The following SNX13 variants were observed in gnomAD, a reference collection of about 807,000 sequenced individuals.
The protein encoded by SNX13 is sorting nexin-13.
Under a neutral mutation model 133.6 loss-of-function variants are expected in SNX13, and 45 were observed. The observed-to-expected ratio is 0.34, with a 90% confidence interval of 0.27 to 0.43. SNX13 has a LOEUF of 0.43. Ranked by LOEUF, SNX13 falls within the 20% of genes least tolerant of loss-of-function variation. SNX13 has a pLI of 1.00. For synonymous variants in SNX13, 414 were observed against 373.9 expected (o/e 1.11, Z -1.24); for missense variants, 1,032 against 1,145.1 (o/e 0.90, Z 1.43).
At chr7:17,852,031 A>G (rs961050169) in intron 9 of SNX13, among the ~76,000 whole-genome samples, 1 of 152,110 alleles carries the variant, frequency 6.6e-6, no homozygotes, top group Admixed American at 6.5e-5. Flanking sequence ...AAAACGTAGG[A>G]AAAAAAATCA....
At chr7:17,869,829 C>G (rs1793854306) in intron 8 of SNX13, among the ~76,000 whole-genome samples, 1 of 151,880 alleles carries the variant, frequency 6.6e-6, no homozygotes, top group Non-Finnish European at 1.5e-5. Flanking sequence ...GCCACATGTT[C>G]AAATTTTAAA....
At chr7:17,805,288 T>C (rs941362224) in intron 20 of SNX13, among the ~76,000 whole-genome samples, 23 of 138,020 alleles carry the variant, frequency 1.7e-4, no homozygotes, top group African/African-American at 5.9e-4. Flanking sequence ...TGTGTAATTC[T>C]AATTCTATAT....
intron 16 of SNX13, among the ~76,000 whole-genome samples, chr7:17,828,454 G>T (rs1004608227): frequency 3.3e-5 from 5 of 151,500 alleles, no homozygotes; most frequent in Non-Finnish European, 7.4e-5. Context: ...AACCAAAATG[G>T]CACTAAAGGA....
chr7:17,884,585 T>C (rs1026801717), intron 5 of SNX13, among the ~76,000 whole-genome samples: 5 of 152,198 alleles, frequency 3.3e-5, no homozygotes, highest in Admixed American at 6.6e-5. Flanking sequence ...TTATTGTTAA[T>C]AGAGTTCCCA....
At chr7:17,801,224 C>T (rs542382109) in intron 22 of SNX13, among the ~76,000 whole-genome samples, 81 of 151,292 alleles carry the variant, frequency 5.4e-4, no homozygotes, top group African/African-American at 1.9e-3. Context: ...TAAAATCATA[C>T]AAAACCACAT....
intron 20 of SNX13, among the ~76,000 whole-genome samples, chr7:17,812,104 T>C (rs1786113128): frequency 6.6e-6 from 1 of 152,076 alleles, no homozygotes; most frequent in South Asian, 2.1e-4. Flanking sequence ...ACTTCATGAC[T>C]AAAACACCAA....
At chr7:17,896,616 C>T (rs1294203402) in intron 2 of SNX13, among the ~76,000 whole-genome samples, 1 of 152,092 alleles carries the variant, frequency 6.6e-6, no homozygotes, top group African/African-American at 2.4e-5. Context: ...TACATAAATA[C>T]GTCATATTAT....
chr7:17,802,136 T>C (rs1024860894), intron 21 of SNX13, among the ~76,000 whole-genome samples: 2 of 152,078 alleles, frequency 1.3e-5, no homozygotes, highest in Admixed American at 1.3e-4. Context: ...TAAAGGTTAG[T>C]AGCCTAGGAG....
At chr7:17,893,911 G>A (rs1352817349) in intron 2 of SNX13, among the ~76,000 whole-genome samples, 1 of 150,912 alleles carries the variant, frequency 6.6e-6, no homozygotes, top group Non-Finnish European at 1.5e-5. Context: ...GGCAGAGATT[G>A]CAGTGAACTG....
intron 13 of SNX13, among the ~76,000 whole-genome samples, chr7:17,837,504 G>C (rs1314386636): frequency 6.6e-6 from 1 of 151,862 alleles, no homozygotes; most frequent in Non-Finnish European, 1.5e-5. Context: ...TTAAAAACAG[G>C]TTTTTAAATG....
chr7:17,801,150 A>G (rs181268275), intron 22 of SNX13, among the ~76,000 whole-genome samples: 3 of 151,056 alleles, frequency 2.0e-5, no homozygotes, highest in African/African-American at 7.2e-5. Flanking sequence ...TATTCATGAT[A>G]TAACAAATAG....
chr7:17,916,625 C>T (rs1261026188), intron 1 of SNX13, among the ~76,000 whole-genome samples: 1 of 151,512 alleles, frequency 6.6e-6, no homozygotes. Context: ...AAACCCTGAA[C>T]AGATCGATAA....
chr7:17,817,377 C>T (rs1239185289), intron 18 of SNX13, among the ~76,000 whole-genome samples: 1 of 152,132 alleles, frequency 6.6e-6, no homozygotes, highest in Non-Finnish European at 1.5e-5. Context: ...TGATACATAT[C>T]CTAAAGCGAA....
rs1020317903 is a variant in SNX13 at position 17,940,461 on chromosome 7, G to T, written c.-166C>A. ...TCGCTGGCCTCCCCTCGGCCCGGTC[G>T]CTCGCGACGGACGCGCCGCCATCTT... On this transcript the variant is annotated 5_prime_UTR_variant, in exon 1 of 26. Transcript: ENST00000428135. The T allele has an allele frequency of 2.6e-6, 2 of 768,648 alleles. No homozygotes were observed. Among genetic ancestry groups the T allele is most frequent in the Non-Finnish European group, 4.5e-6 (2 of 445,000 alleles). The allele number at this position is 768,648 out of a possible 1,614,324, so 47.6% of individuals were successfully genotyped here.
At chr7:17,865,200 G>C (rs964713314) in intron 9 of SNX13, among the ~76,000 whole-genome samples, 1 of 152,120 alleles carries the variant, frequency 6.6e-6, no homozygotes, top group African/African-American at 2.4e-5. Flanking sequence ...GACAACTACA[G>C]AATAATACTG....
chr7:17,909,715 A>C (rs142918496), intron 1 of SNX13, among the ~76,000 whole-genome samples: 24 of 152,278 alleles, frequency 1.6e-4, no homozygotes, highest in African/African-American at 5.8e-4. Context: ...CCTGTCTGGC[A>C]GGTGTGGATG....
At chr7:17,829,952 C>T in intron 16 of SNX13, 58 bp downstream of exon 16, 2 of 1,250,390 alleles carry the variant, frequency 1.6e-6, no homozygotes, top group Admixed American at 4.3e-5. Flanking sequence ...TATGTTAAGG[C>T]TCAGCCTTTT....
intron 20 of SNX13, among the ~76,000 whole-genome samples, chr7:17,813,105 T>TA (rs1220406864): frequency 6.6e-6 from 1 of 151,994 alleles, no homozygotes; most frequent in Non-Finnish European, 1.5e-5. Flanking sequence ...TCCAAGTACT[T>TA]AAAGTATAAA....
intron 1 of SNX13, among the ~76,000 whole-genome samples, chr7:17,938,799 T>C (rs1316735918): frequency 6.6e-6 from 1 of 152,210 alleles, no homozygotes; most frequent in Non-Finnish European, 1.5e-5. Context: ...TCATATAATA[T>C]TACACATTAG....
Sources: allele counts gnomAD v4.1 joint callset (sites outside exome capture counted in the v4.1 genomes callset), GRCh38; gene constraint gnomAD v4.1.1; transcripts MANE v1.5; gene names NCBI Gene and HGNC (gene_info 2026-07-23, HGNC 2026-07-21).